The following PACC1 variants were observed in gnomAD, a reference collection of about 807,000 sequenced individuals.
The protein encoded by PACC1 is proton activated chloride channel 1, also known as proton-activated chloride channel.
Under a neutral mutation model 39.7 loss-of-function variants are expected in PACC1, and 34 were observed. That is an observed-to-expected ratio of 0.86 (90% CI 0.65 to 1.14). The LOEUF (loss-of-function observed/expected upper bound fraction) is 1.14. PACC1 is among the 50% of genes most tolerant of loss of function. PACC1 has a pLI of 0.00. For synonymous variants in PACC1, 127 were observed against 160.6 expected, an observed-to-expected ratio of 0.79 and a Z score of 1.58; for missense variants, 379 against 436.4, an observed-to-expected ratio of 0.87 and a Z score of 1.17.
rs2102549489 is a variant in PACC1 at position 212,411,624 on chromosome 1, G to A, written c.37-1103C>T. Among the ~76,000 whole-genome samples, 2 of 152,278 alleles carry A rather than the reference G, an allele frequency of 1.3e-5. 1 individual carries two copies. Among genetic ancestry groups the A allele is most frequent in the East Asian group, 3.9e-4 (2 of 5,188 alleles). Reference sequence around the variant, plus strand: ...AGAAGAGAAGCCATCCCTGAATTGGGAGGGAGAGGGGACAGCTTTCCCAAG... The same window carrying A: ...AGAAGAGAAGCCATCCCTGAATTGGAAGGGAGAGGGGACAGCTTTCCCAAG... On this transcript the variant is annotated intron_variant, in intron 1 of 7. Coordinates refer to ENST00000261455, the MANE Select transcript of PACC1 (RefSeq NM_018252.3).
intron 2 of PACC1, among the ~76,000 whole-genome samples, chr1:212,399,478 AAG>A (rs1344507529): frequency 1.3e-5 from 2 of 150,550 alleles, no homozygotes; most frequent in African/African-American, 4.9e-5. Flanking sequence ...TTTTTTTTTT[AAG>A]AGACACGGTC....
At chr1:212,401,582 C>T (rs1484474710) in intron 2 of PACC1, among the ~76,000 whole-genome samples, 13 of 142,254 alleles carry the variant, frequency 9.1e-5, no homozygotes, top group East Asian at 6.6e-4. Flanking sequence ...GCCGAGACGG[C>T]GCCACTGCAC....
chr1:212,414,851 C>A lies in PACC1; in HGVS notation c.-94G>T. The stretch of plus-strand genomic sequence containing the variant: ...CCGCTGCACCTGGACCTACCGGCTC[C>A]GCGAGGCGAAACCGGTCCGGAGGGG... On this transcript the variant is annotated 5_prime_UTR_variant, in exon 1 of 8. Transcript: ENST00000261455. 6.5e-7 allele frequency: 1 copy of A among 1,550,236 alleles called. No homozygotes were observed. The highest frequency in any genetic ancestry group is 1.8e-5 in the Admixed American group (1 of 56,212).
intron 2 of PACC1, among the ~76,000 whole-genome samples, chr1:212,390,634 A>T (rs983651879): frequency 6.6e-6 from 1 of 151,970 alleles, no homozygotes; most frequent in Non-Finnish European, 1.5e-5. Flanking sequence ...GAGCTGAAGC[A>T]GGGTGAGGCA....
At chr1:212,413,844 A>G in intron 1 of PACC1, 1 of 1,491,654 alleles carries the variant, frequency 6.7e-7, no homozygotes. Flanking sequence ...GTAACACAGT[A>G]TCGCACTCAG....
rs960986250 is a variant in PACC1 at position 212,364,800 on chromosome 1, A to G, written c.*415T>C. ...TCCAAAGCATGACCTGCACGTCTTG[A>G]TACTCAGGAATTTTTGGAAAAAGAA... On this transcript the variant is annotated 3_prime_UTR_variant, in exon 8 of 8. Transcript: ENST00000261455. 3.9e-5 allele frequency: 6 copies of G among 153,054 alleles called. No homozygotes were observed. Among genetic ancestry groups the G allele is most frequent in the African/African-American group, 1.4e-4 (6 of 41,432 alleles). The allele number at this position is 153,054 out of a possible 1,614,324, so 9.5% of individuals were successfully genotyped here.
At chr1:212,369,764 G>C (rs1035513147) in intron 7 of PACC1, among the ~76,000 whole-genome samples, 1 of 141,976 alleles carries the variant, frequency 7.0e-6, no homozygotes, top group Non-Finnish European at 1.5e-5. Context: ...CTGGGCAAGA[G>C]AGCAAGACTC....
intron 2 of PACC1, among the ~76,000 whole-genome samples, chr1:212,400,721 A>G (rs576492285): frequency 3.3e-5 from 5 of 152,362 alleles, no homozygotes; most frequent in African/African-American, 2.4e-5. Context: ...ATGTGCTTTA[A>G]AAGTATCATC....
chr1:212,365,404 T>G, intron 7 of PACC1, 28 bp from the exon 8 acceptor site: 2 of 1,572,932 alleles, frequency 1.3e-6, no homozygotes, highest in Non-Finnish European at 1.7e-6. Flanking sequence ...ACAAACAGGA[T>G]TACTGGTTTG....
chr1:212,382,941 G>A (rs886938871), intron 4 of PACC1, among the ~76,000 whole-genome samples: 5 of 152,182 alleles, frequency 3.3e-5, no homozygotes, highest in East Asian at 1.9e-4. Context: ...GCGTCTCACC[G>A]GTCCCACCCT....
chr1:212,371,940 C>T (rs577472068), intron 7 of PACC1, among the ~76,000 whole-genome samples: 2 of 152,230 alleles, frequency 1.3e-5, no homozygotes, highest in Admixed American at 1.3e-4. Context: ...GTAATCATTT[C>T]AATAGATGGT....
intron 2 of PACC1, among the ~76,000 whole-genome samples, chr1:212,399,998 C>T (rs1285570980): frequency 2.0e-5 from 3 of 152,080 alleles, no homozygotes; most frequent in Non-Finnish European, 2.9e-5. Flanking sequence ...GTGTGCGCCA[C>T]CACACCTGGC....
chr1:212,405,594 A>AAGG (rs1661880980), intron 2 of PACC1, among the ~76,000 whole-genome samples: 1 of 152,188 alleles, frequency 6.6e-6, no homozygotes, highest in African/African-American at 2.4e-5. Flanking sequence ...CACTTGGCAT[A>AAGG]ACAAGTGAAG....
intron 2 of PACC1, among the ~76,000 whole-genome samples, chr1:212,397,928 C>A (rs2102523350): frequency 6.6e-6 from 1 of 152,336 alleles, no homozygotes; most frequent in African/African-American, 2.4e-5. Flanking sequence ...TGAGCTCCAG[C>A]TGCAGCTTTG....
chr1:212,367,272 TGAA>T (rs1571623411), intron 7 of PACC1, among the ~76,000 whole-genome samples: 1 of 152,048 alleles, frequency 6.6e-6, no homozygotes, highest in East Asian at 1.9e-4. Flanking sequence ...AAAGACACAC[TGAA>T]GAAGAGTAGA....
intron 4 of PACC1, among the ~76,000 whole-genome samples, chr1:212,384,895 T>G (rs940792290): frequency 6.6e-6 from 1 of 152,252 alleles, no homozygotes; most frequent in African/African-American, 2.4e-5. Flanking sequence ...TGGCTTCACA[T>G]GGAACCTAGA....
At chr1:212,378,362 GGGAA>G (rs1445386632) in intron 5 of PACC1, among the ~76,000 whole-genome samples, 3 of 152,378 alleles carry the variant, frequency 2.0e-5, no homozygotes, top group Admixed American at 6.5e-5. Context: ...GCTTGAAGCA[GGGAA>G]GGGAGAGGGA....
chr1:212,401,479 A>G (rs1661708452), intron 2 of PACC1, among the ~76,000 whole-genome samples: 1 of 151,934 alleles, frequency 6.6e-6, no homozygotes, highest in East Asian at 1.9e-4. Context: ...TACAAAAAGT[A>G]GCTGGTTGTG....
Position 212,385,352 on chromosome 1 carries a change from T to C in PACC1, c.417A>G (p.Thr139=), listed in dbSNP as rs935697690. 1.2e-6 allele frequency: 2 copies of C among 1,613,974 alleles called. No individual in the cohort carries two copies. The highest frequency in any genetic ancestry group is 2.7e-5 in the African/African-American group (2 of 74,890). Residue 139 remains threonine (T), a synonymous_variant, in exon 4 of 8, where the codon ACA becomes ACG. Coordinates refer to ENST00000261455, the MANE Select transcript of PACC1 (RefSeq NM_018252.3). ...KHHYEVIPPL[T]SPGQPGDMNC... ...TCATGTCACCCGGCTGGCCAGGGCT[T>C]GTCAGAGGAGGAATGACCTCGTAAT...
Sources: gnomAD v4.1 joint callset for allele counts (sites outside exome capture counted in the v4.1 genomes callset) on GRCh38, gnomAD v4.1.1 for gene constraint, MANE v1.5 for transcripts, NCBI Gene and HGNC (gene_info 2026-07-23, HGNC 2026-07-21) for gene names.